FKTN: variants seen among roughly 807,000 people sequenced by gnomAD.
FKTN encodes the protein ribitol-5-phosphate transferase FKTN.
In FKTN, 47 loss-of-function variants were observed where a neutral mutation model predicts 58.6. The ratio of observed to expected loss-of-function variants is 0.80; its 90% CI spans 0.63 to 1.02. The LOEUF (loss-of-function observed/expected upper bound fraction) is 1.02, where lower values mean the gene tolerates loss of function less well. Ranked by LOEUF, FKTN falls within the 50% of genes least tolerant of loss-of-function variation. The probability of loss-of-function intolerance (pLI) is 0.00; values close to 1 mark genes in which losing one functional copy is unlikely to be tolerated. For missense variants in FKTN, 516 were observed against 537.3 expected (o/e 0.96, Z 0.39); for synonymous variants, 178 against 191.9 (o/e 0.93, Z 0.60).
chr9:105,601,831 C>T (rs1827923786), intron 5 of FKTN, among the ~76,000 whole-genome samples: 1 of 152,070 alleles, frequency 6.6e-6, no homozygotes, highest in African/African-American at 2.4e-5. Flanking sequence ...TTATAATGTC[C>T]CTTTATATTC....
rs1404582816 is a variant in FKTN at position 105,636,819 on chromosome 9, G to A, written c.*1555G>A. On this transcript the variant is annotated 3_prime_UTR_variant, in exon 11 of 11. Transcript: ENST00000357998. ...AGGGAATGGGCTGGTAGACTTTTTC[G>A]AAAACAAATTAGAGAAAGTAACTTA... 32 of 1,216,734 alleles carry A rather than the reference G, an allele frequency of 2.6e-5. No individual in the cohort carries two copies. The highest frequency in any genetic ancestry group is 2.9e-5 in the Non-Finnish European group (27 of 935,300). The allele number at this position is 1,216,734 out of a possible 1,614,324, so 75.4% of individuals were successfully genotyped here. A position where few individuals can be genotyped will look rare whatever the true frequency, so the allele number is the denominator to read the frequency against.
At chr9:105,622,169 C>T (rs917700668) in intron 10 of FKTN, among the ~76,000 whole-genome samples, 3 of 151,964 alleles carry the variant, frequency 2.0e-5, no homozygotes, top group Admixed American at 1.3e-4. Flanking sequence ...CTACCATACA[C>T]CAAATATAAT....
intron 1 of FKTN, among the ~76,000 whole-genome samples, chr9:105,568,132 A>G (rs1840037725): frequency 6.6e-6 from 1 of 152,180 alleles, no homozygotes; most frequent in Admixed American, 6.5e-5. Context: ...ACCTTATACA[A>G]AAATTAATTC....
chr9:105,563,438 G>A (rs754980888), intron 1 of FKTN, among the ~76,000 whole-genome samples: 2 of 152,278 alleles, frequency 1.3e-5, no homozygotes, highest in Admixed American at 6.5e-5. Context: ...CTGGAAAATC[G>A]GGTCACTCCC....
In FKTN at chr9:105,606,816, T is replaced by G. The variant is rs114684562; in HGVS notation, c.648-1003T>G. Among the ~76,000 whole-genome samples, 2,496 of 151,786 alleles carry G rather than the reference T, an allele frequency of 0.016. 89 individuals carry two copies. Among genetic ancestry groups the G allele is most frequent in the African/African-American group, 0.057 (2,364 of 41,504 alleles). On this transcript the variant is annotated intron_variant, in intron 6 of 10. Coordinates refer to ENST00000357998, the MANE Select transcript of FKTN (RefSeq NM_001079802.2). ...CGAAACTGAAGTCTTCTATATTTTT[T>G]GTGTATGAAAAGTCGGAACTTTTCT...
Position 105,638,958 on chromosome 9 carries a change from T to C in FKTN, c.*3694T>C. 1.0e-6 allele frequency: 1 copy of C among 985,280 alleles called. No individual in the cohort carries two copies. Among genetic ancestry groups the C allele is most frequent in the Non-Finnish European group, 1.2e-6 (1 of 829,844 alleles). The allele number at this position is 985,280 out of a possible 1,614,324, so 61.0% of individuals were successfully genotyped here. The stretch of plus-strand genomic sequence containing the variant: ...CCAGAGCTAAATCTGGAAAACACAT[T>C]TGGAATGAGCTTCCACACTTCAGTC... On this transcript the variant is annotated 3_prime_UTR_variant, in exon 11 of 11. Coordinates refer to ENST00000357998, the MANE Select transcript of FKTN (RefSeq NM_001079802.2).
intron 3 of FKTN, among the ~76,000 whole-genome samples, chr9:105,592,785 A>G (rs1845135384): frequency 1.3e-5 from 2 of 152,200 alleles, no homozygotes; most frequent in African/African-American, 4.8e-5. Flanking sequence ...TTCACCTCCC[A>G]ATACATTCCT....
chr9:105,576,490 C>T (rs567723148), intron 3 of FKTN, among the ~76,000 whole-genome samples: 1,662 of 150,402 alleles, frequency 0.011, 19 homozygotes, highest in Non-Finnish European at 0.019. Flanking sequence ...CTACAAAGGA[C>T]GTGAACTCAT....
chr9:105,561,223 AT>A (rs1255917626), intron 1 of FKTN, among the ~76,000 whole-genome samples: 1 of 151,708 alleles, frequency 6.6e-6, no homozygotes, highest in African/African-American at 2.4e-5. Context: ...GCAGTGAGCT[AT>A]GATTGTGACA....
At chr9:105,630,430 C>G (rs1349697198) in intron 10 of FKTN, among the ~76,000 whole-genome samples, 1 of 152,112 alleles carries the variant, frequency 6.6e-6, no homozygotes, top group African/African-American at 2.4e-5. Flanking sequence ...AATCCGAAAT[C>G]CTCCTTTCTC....
chr9:105,599,068 A>G (rs1160328885), intron 4 of FKTN, among the ~76,000 whole-genome samples: 3 of 152,182 alleles, frequency 2.0e-5, no homozygotes, highest in Non-Finnish European at 4.4e-5. Context: ...TGTATCTCAC[A>G]AAGGAATGGT....
At chr9:105,626,775 A>G (rs1353423714) in intron 10 of FKTN, among the ~76,000 whole-genome samples, 1 of 152,114 alleles carries the variant, frequency 6.6e-6, no homozygotes, top group Non-Finnish European at 1.5e-5. Flanking sequence ...ATTTGTAACC[A>G]TTTTGGTAGG....
At chr9:105,601,414 G>A in intron 5 of FKTN, 66 bp downstream of exon 5, 1 of 1,145,732 alleles carries the variant, frequency 8.7e-7, no homozygotes, top group East Asian at 2.3e-5. Context: ...GTTTAGGCTA[G>A]TTTAAAATGT....
chr9:105,569,267 A>G (rs1380869082), intron 1 of FKTN, among the ~76,000 whole-genome samples: 1 of 152,210 alleles, frequency 6.6e-6, no homozygotes, highest in Non-Finnish European at 1.5e-5. Flanking sequence ...GTGCACATGT[A>G]CCCTAGAGCT....
chr9:105,591,453 C>A (rs548583010), intron 3 of FKTN, among the ~76,000 whole-genome samples: 15 of 152,290 alleles, frequency 9.8e-5, no homozygotes, highest in African/African-American at 3.4e-4. Context: ...CCATGCAAGC[C>A]CCAAACCCAG....
At chr9:105,585,690 C>T (rs902210864) in intron 3 of FKTN, among the ~76,000 whole-genome samples, 6 of 152,012 alleles carry the variant, frequency 3.9e-5, no homozygotes, top group South Asian at 4.2e-4. Context: ...CTTTGTTTAC[C>T]GATTACATCT....
intron 1 of FKTN, among the ~76,000 whole-genome samples, chr9:105,567,519 C>T (rs1839888321): frequency 6.6e-6 from 1 of 152,164 alleles, no homozygotes; most frequent in Non-Finnish European, 1.5e-5. Context: ...AGAGCCAAAT[C>T]ATGAGTGAAC....
chr9:105,582,771 G>C (rs1244775231), intron 3 of FKTN, among the ~76,000 whole-genome samples: 3 of 151,938 alleles, frequency 2.0e-5, no homozygotes, highest in Admixed American at 1.3e-4. Flanking sequence ...TTAGATTTTT[G>C]TTATATATTA....
intron 3 of FKTN, among the ~76,000 whole-genome samples, chr9:105,577,693 G>A (rs373167256): frequency 2.0e-5 from 3 of 151,038 alleles, no homozygotes; most frequent in South Asian, 2.1e-4. Context: ...TAGTTTTTTC[G>A]AATTCTGTGA....
Sources: gnomAD v4.1 joint callset for allele counts (sites outside exome capture counted in the v4.1 genomes callset) on GRCh38, gnomAD v4.1.1 for gene constraint, MANE v1.5 for transcripts, NCBI Gene and HGNC (gene_info 2026-07-23, HGNC 2026-07-21) for gene names.